The following CMTM5 variants were observed in gnomAD, a reference collection of about 807,000 sequenced individuals.
CMTM5 encodes CKLF like MARVEL transmembrane domain containing 5.
A neutral mutation model predicts 26.9 loss-of-function variants in CMTM5; 25 were observed. The observed-to-expected ratio is 0.93, with a 90% CI of 0.68 to 1.30. CMTM5 has a LOEUF of 1.30. Ranked by LOEUF, CMTM5 falls within the 50% of genes most tolerant of loss-of-function variation. The pLI, the probability that CMTM5 is intolerant of heterozygous loss-of-function variation, is 0.00. For synonymous variants in CMTM5, 98 were observed against 115.5 expected, an observed-to-expected ratio of 0.85 and a Z score of 0.97; for missense variants, 292 against 289.6, an observed-to-expected ratio of 1.01 and a Z score of -0.06.
rs1446937715 is a variant in CMTM5 at position 23,378,792 on chromosome 14, C to T, written c.403C>T (p.Pro135Ser). The T allele has an allele frequency of 1.9e-6, 3 of 1,612,536 alleles. No homozygotes were observed. Among genetic ancestry groups the T allele is most frequent in the Non-Finnish European group, 2.5e-6 (3 of 1,179,802 alleles). ...PPGWHTPAAV[P>S]WVPAPAPGFW... The stretch of plus-strand genomic sequence containing the variant: ...GGGCTGGCATACTCCAGCCGCTGTC[C>T]CCTGGGTTCCAGCCCCAGCGCCTGG... The change falls in exon 3 of 6, where the codon CCC (proline) becomes TCC (serine). Residue 135 changes from proline (P) to serine (S), a missense_variant. By Grantham distance (74) the Pro-to-Ser change is moderately conservative. Coordinates refer to ENST00000339180, the MANE Select transcript of CMTM5 (RefSeq NM_001288746.2). This position sits in a 1 kb window ranked among gnomAD's most constrained non-coding sequence, Gnocchi z 4.2.
rs368504846 is a variant in CMTM5, at chr14:23,378,308, G to A, written c.127-41G>A. 634 of 1,608,426 alleles carry A rather than the reference G, an allele frequency of 3.9e-4. 1 individual carries two copies. The highest frequency in any genetic ancestry group is 3.8e-3 in the South Asian group (345 of 90,162). ...GAAGGCAAAGCCCTGGCCCCTGCCT[G>A]TGTCCCCTTCTTGGCATGTTCCACA... On this transcript the variant is annotated intron_variant, in intron 1 of 5. Coordinates refer to ENST00000339180, the MANE Select transcript of CMTM5 (RefSeq NM_001288746.2). The surrounding 1 kb of genome is among the most constrained non-coding windows in gnomAD (Gnocchi z 4.2).
In CMTM5 at chr14:23,377,316, G is replaced by A. The variant is rs1432191575; in HGVS notation, c.65G>A (p.Gly22Asp). Residue 22 changes from glycine to aspartate, a missense_variant, in exon 1 of 6, where the codon GGC becomes GAC. By Grantham distance (94) the Gly-to-Asp change is moderately conservative. Transcript: ENST00000339180. The surrounding 1 kb of genome is among the most constrained non-coding windows in gnomAD (Gnocchi z 4.6). Reference protein sequence around the residue: ...PEEGVVAELQGFAVDKAFLTS... With the variant: ...PEEGVVAELQDFAVDKAFLTS... ...GAGGGGGTAGTTGCAGAGCTCCAGG[G>A]CTTCGCGGTGGACAAGGCCTTCCTC... 6.2e-7 allele frequency: 1 copy of A among 1,611,010 alleles called. No individual in the cohort carries two copies. The highest frequency in any genetic ancestry group is 8.5e-7 in the Non-Finnish European group (1 of 1,178,406).
rs946990598 is a variant in CMTM5, at chr14:23,377,084, C to T, written c.-168C>T. On this transcript the variant is annotated 5_prime_UTR_variant, in exon 1 of 6. Coordinates refer to ENST00000339180, the MANE Select transcript of CMTM5 (RefSeq NM_001288746.2). This position sits in a 1 kb window ranked among gnomAD's most constrained non-coding sequence, Gnocchi z 4.6. ...GGGTGAGGGCCCATCTGGGCAAGGCCCCCAGCGCCTGCCTTCTCTCCCGGG... is the reference window on the plus strand; with the variant it reads ...GGGTGAGGGCCCATCTGGGCAAGGCTCCCAGCGCCTGCCTTCTCTCCCGGG... 4 of 890,206 alleles carry T rather than the reference C, an allele frequency of 4.5e-6. No individual in the cohort carries two copies. Among genetic ancestry groups the T allele is most frequent in the Non-Finnish European group, 5.1e-6 (3 of 593,446 alleles). 55.1% of individuals were successfully genotyped at this position (890,206 alleles called of 1,614,324 possible). A position where few individuals can be genotyped will look rare whatever the true frequency, so the allele number is the denominator to read the frequency against.
rs748783789 is a variant in CMTM5, at chr14:23,379,455, C to T, written c.659-19C>T. On this transcript the variant is annotated intron_variant, in intron 5 of 5. Coordinates refer to ENST00000339180, the MANE Select transcript of CMTM5 (RefSeq NM_001288746.2). ...CTACCCATCCTGATGTGGGTCCCTACCTGGCTCTATCCTCACAGGGGACCA... is the reference window on the plus strand; with the variant it reads ...CTACCCATCCTGATGTGGGTCCCTATCTGGCTCTATCCTCACAGGGGACCA... The T allele has an allele frequency of 2.7e-5, 43 of 1,614,094 alleles. No individual in the cohort carries two copies. In the Middle Eastern group the frequency reaches 9.9e-4, roughly 37 times the overall value.
At position 23,378,377 on chromosome 14, in the gene CMTM5, T is replaced by C. The variant is rs771706860; in HGVS notation, c.155T>C (p.Phe52Ser). The C allele has an allele frequency of 6.8e-6, 11 of 1,614,086 alleles. No homozygotes were observed. In the East Asian group the frequency reaches 2.0e-4, roughly 29 times the overall value. Residue 52 changes from phenylalanine to serine, a missense_variant, in exon 2 of 6, where the codon TTC (phenylalanine) becomes TCC (serine). By Grantham distance (155) the Phe-to-Ser change is radical. Coordinates refer to ENST00000339180, the MANE Select transcript of CMTM5 (RefSeq NM_001288746.2). The surrounding 1 kb of genome is among the most constrained non-coding windows in gnomAD (Gnocchi z 4.2). ...LALTLIIFIC[F>S]TASISAYMAA... ...CTGACCCTCATCATCTTCATCTGCTTCACGGCCTCCATCTCTGCCTACATG... is the reference window on the plus strand; with the variant it reads ...CTGACCCTCATCATCTTCATCTGCTCCACGGCCTCCATCTCTGCCTACATG...
Position 23,377,697 on chromosome 14 carries a change from C to T in CMTM5, c.126+320C>T, listed in dbSNP as rs56182801. The T allele has an allele frequency of 1.5e-4, 44 of 289,956 alleles. No individual in the cohort carries two copies. Among genetic ancestry groups the T allele is most frequent in the African/African-American group, 4.4e-4 (20 of 45,952 alleles). 18.0% of individuals were successfully genotyped at this position (289,956 alleles called of 1,614,324 possible). On this transcript the variant is annotated intron_variant, in intron 1 of 5. Transcript: ENST00000339180. This position sits in a 1 kb window ranked among gnomAD's most constrained non-coding sequence, Gnocchi z 4.6. ...CCTCTAACATGGCCACTTCTCAGCA[C>T]GTCCAAGAAGTCTAACTATCAAAAA...
At chr14:23,376,934 T>A (rs1890581236), upstream of CMTM5, 2 of 341,870 alleles carry the variant, frequency 5.9e-6, no homozygotes, top group Non-Finnish European at 1.1e-5. Context: ...CTCCCCTTCC[T>A]TCTCTATTCC....
In CMTM5 at chr14:23,379,716, T is replaced by G. The variant is rs867710549; in HGVS notation, c.*229T>G. 2.8e-4 allele frequency: 147 copies of G among 521,060 alleles called. No individual in the cohort carries two copies. The highest frequency in any genetic ancestry group is 4.0e-4 in the East Asian group (8 of 19,980). The allele number at this position is 521,060 out of a possible 1,614,324, so 32.3% of individuals were successfully genotyped here. On this transcript the variant is annotated 3_prime_UTR_variant, in exon 6 of 6. Transcript: ENST00000339180. The stretch of plus-strand genomic sequence containing the variant: ...GGGGAACTTATTGGGGGAGGGGGGG[T>G]GGAGGGGAGGAATCTGGACCTCTAA...
chr14:23,377,496 T>A lies in CMTM5; in HGVS notation c.126+119T>A. The A allele has an allele frequency of 8.6e-7, 1 of 1,166,818 alleles. No individual in the cohort carries two copies. 72.3% of individuals were successfully genotyped at this position (1,166,818 alleles called of 1,614,324 possible). A position where few individuals can be genotyped will look rare whatever the true frequency, so the allele number is the denominator to read the frequency against. On this transcript the variant is annotated intron_variant, in intron 1 of 5. Coordinates refer to ENST00000339180, the MANE Select transcript of CMTM5 (RefSeq NM_001288746.2). This position sits in a 1 kb window ranked among gnomAD's most constrained non-coding sequence, Gnocchi z 4.6. ...TCCTTCCCCAAGCCCTCTGGACACC[T>A]CTCCTGCCCGCAGCTGCCCCTTCTT...
In CMTM5 at chr14:23,378,393, T is replaced by C. The variant is rs777222926; in HGVS notation, c.171T>C (p.Ser57=). ...TCATCTGCTTCACGGCCTCCATCTCTGCCTACATGGCCGCGGCGCTACTGG... is the reference window on the plus strand; with the variant it reads ...TCATCTGCTTCACGGCCTCCATCTCCGCCTACATGGCCGCGGCGCTACTGG... ...IIFICFTASI[S]AYMAAALLEF... Residue 57 remains serine (S), a synonymous_variant, in exon 2 of 6, where the codon TCT becomes TCC. Coordinates refer to ENST00000339180, the MANE Select transcript of CMTM5 (RefSeq NM_001288746.2). This position sits in a 1 kb window ranked among gnomAD's most constrained non-coding sequence, Gnocchi z 4.2. 5 of 1,614,028 alleles carry C rather than the reference T, an allele frequency of 3.1e-6. No individual in the cohort carries two copies. The highest frequency in any genetic ancestry group is 4.2e-6 in the Non-Finnish European group (5 of 1,180,022).
At chr14:23,376,936 C>T (rs1890581351), upstream of CMTM5, 1 of 350,938 alleles carries the variant, frequency 2.8e-6, no homozygotes, top group Admixed American at 4.6e-5. Flanking sequence ...CCCCTTCCTT[C>T]TCTATTCCAG....
rs1890728925 is a variant in CMTM5 at position 23,378,997 on chromosome 14, G to T, written c.481-34G>T. The stretch of plus-strand genomic sequence containing the variant: ...TTCAGGGTAACGCCCCCTGCCTTCT[G>T]AGGTCCTGTTAACCCTGCACCCCTG... On this transcript the variant is annotated intron_variant, in intron 3 of 5. Coordinates refer to ENST00000339180, the MANE Select transcript of CMTM5 (RefSeq NM_001288746.2). This position sits in a 1 kb window ranked among gnomAD's most constrained non-coding sequence, Gnocchi z 4.2. The T allele has an allele frequency of 3.1e-6, 5 of 1,612,570 alleles. No homozygotes were observed. Among genetic ancestry groups the T allele is most frequent in the Non-Finnish European group, 4.2e-6 (5 of 1,178,804 alleles).
rs770371896 is a variant in CMTM5 at position 23,377,396 on chromosome 14, C to A, written c.126+19C>A. On this transcript the variant is annotated intron_variant, in intron 1 of 5. Transcript: ENST00000339180. This position sits in a 1 kb window ranked among gnomAD's most constrained non-coding sequence, Gnocchi z 4.6. Reference sequence around the variant, plus strand: ...CGAGCTGGTAACAGCTGCCTCCCAACCTGGTGCCTCCATCTCCCTGACCCC... The same window carrying A: ...CGAGCTGGTAACAGCTGCCTCCCAAACTGGTGCCTCCATCTCCCTGACCCC... 2.6e-6 allele frequency: 4 copies of A among 1,550,524 alleles called. No individual in the cohort carries two copies. The highest frequency in any genetic ancestry group is 4.7e-5 in the East Asian group (2 of 42,854).
Position 23,378,481 on chromosome 14 carries a change from C to G in CMTM5, c.259C>G (p.Arg87Gly), listed in dbSNP as rs755107658. The change falls in exon 2 of 6, where the codon CGA becomes GGA. Residue 87 changes from arginine to glycine, a missense_variant. Physicochemically the swap from Arg to Gly is moderately radical, Grantham distance 125 (BLOSUM62 -2). Transcript: ENST00000339180. The surrounding 1 kb of genome is among the most constrained non-coding windows in gnomAD (Gnocchi z 4.2). ...YATQYYQRFD[R>G]INWPCLLQGH... ...CACCCAGTACTACCAGCGCTTCGAC[C>G]GAATTAACTGGCCCTGTCTGGTGAG... The G allele has an allele frequency of 1.2e-6, 2 of 1,614,132 alleles. No individual in the cohort carries two copies. The highest frequency in any genetic ancestry group is 1.7e-6 in the Non-Finnish European group (2 of 1,180,010).
chr14:23,377,423 G>T lies in CMTM5; in HGVS notation c.126+46G>T. The T allele has an allele frequency of 6.6e-7, 1 of 1,517,610 alleles. No individual in the cohort carries two copies. Among genetic ancestry groups the T allele is most frequent in the Non-Finnish European group, 8.8e-7 (1 of 1,133,416 alleles). 94.0% of individuals were successfully genotyped at this position (1,517,610 alleles called of 1,614,324 possible). A position where few individuals can be genotyped will look rare whatever the true frequency, so the allele number is the denominator to read the frequency against. On this transcript the variant is annotated intron_variant, in intron 1 of 5. Transcript: ENST00000339180. This position sits in a 1 kb window ranked among gnomAD's most constrained non-coding sequence, Gnocchi z 4.6. ...TGGTGCCTCCATCTCCCTGACCCCC[G>T]GCTCCTGGCCAGCCTTATGCCAGCC...
rs754162797 is a variant in CMTM5, at chr14:23,379,296, C to T, written c.574-3C>T. ...TTTGCCATCCCCACTCCCACTCCCA[C>T]AGGTTTTTGGCATCATCCTGGTTTC... On this transcript the variant is annotated splice_polypyrimidine_tract_variant and splice_region_variant and intron_variant, in intron 4 of 5. Coordinates refer to ENST00000339180, the MANE Select transcript of CMTM5 (RefSeq NM_001288746.2). The T allele has an allele frequency of 1.4e-5, 23 of 1,614,134 alleles. No homozygotes were observed. The South Asian group carries it at 2.4e-4, about 17-fold the overall frequency.
chr14:23,377,679 C>A lies in CMTM5; in HGVS notation c.126+302C>A. 3.1e-6 allele frequency: 1 copy of A among 322,072 alleles called. No individual in the cohort carries two copies. Among genetic ancestry groups the A allele is most frequent in the South Asian group, 1.1e-4 (1 of 8,850 alleles). The allele number at this position is 322,072 out of a possible 1,614,324, so 20.0% of individuals were successfully genotyped here. A position where few individuals can be genotyped will look rare whatever the true frequency, so the allele number is the denominator to read the frequency against. On this transcript the variant is annotated intron_variant, in intron 1 of 5. Transcript: ENST00000339180. This position sits in a 1 kb window ranked among gnomAD's most constrained non-coding sequence, Gnocchi z 4.6. ...GGACAGGGGCAATGACAGCCTCTAA[C>A]ATGGCCACTTCTCAGCACGTCCAAG...
At position 23,377,492 on chromosome 14, in the gene CMTM5, C is replaced by T. The variant is rs1890622116; in HGVS notation, c.126+115C>T. 4.1e-6 allele frequency: 5 copies of T among 1,226,952 alleles called. No individual in the cohort carries two copies. Among genetic ancestry groups the T allele is most frequent in the Non-Finnish European group, 5.5e-6 (5 of 914,096 alleles). The allele number at this position is 1,226,952 out of a possible 1,614,324, so 76.0% of individuals were successfully genotyped here. A position where few individuals can be genotyped will look rare whatever the true frequency, so the allele number is the denominator to read the frequency against. On this transcript the variant is annotated intron_variant, in intron 1 of 5. Transcript: ENST00000339180. The surrounding 1 kb of genome is among the most constrained non-coding windows in gnomAD (Gnocchi z 4.6). The stretch of plus-strand genomic sequence containing the variant: ...AGCCTCCTTCCCCAAGCCCTCTGGA[C>T]ACCTCTCCTGCCCGCAGCTGCCCCT...
chr14:23,379,464 AT>A lies in CMTM5; in HGVS notation c.659-9del. 1.2e-6 allele frequency: 2 copies of A among 1,613,930 alleles called. No individual in the cohort carries two copies. Among genetic ancestry groups the A allele is most frequent in the Non-Finnish European group, 1.7e-6 (2 of 1,179,976 alleles). On this transcript the variant is annotated splice_polypyrimidine_tract_variant and intron_variant, in intron 5 of 5. Coordinates refer to ENST00000339180, the MANE Select transcript of CMTM5 (RefSeq NM_001288746.2). The stretch of plus-strand genomic sequence containing the variant: ...CTGATGTGGGTCCCTACCTGGCTCT[AT>A]CCTCACAGGGGACCAGCAGTGACTC...
Sources: gnomAD v4.1 joint callset for allele counts on GRCh38, gnomAD v4.1.1 for gene constraint, Gnocchi (gnomAD v3.1) non-coding constraint, MANE v1.5 for transcripts, NCBI Gene and HGNC (gene_info 2026-07-23, HGNC 2026-07-21) for gene names.